Variants in VPS41 observed in about 807,000 individuals in gnomAD.
The protein encoded by VPS41 is VPS41 subunit of HOPS complex, also known as vacuolar protein sorting-associated protein 41 homolog.
A neutral mutation model predicts 130.9 loss-of-function variants in VPS41; 85 were observed. That is an observed-to-expected ratio of 0.65 (90% CI 0.55 to 0.78). The LOEUF is 0.78. Ranked by LOEUF, VPS41 falls within the 30% of genes least tolerant of loss-of-function variation. The pLI is 0.00. For synonymous variants in VPS41, 335 were observed against 332.9 expected (o/e 1.01, Z -0.07); for missense variants, 874 against 1,018.7 (o/e 0.86, Z 1.93).
intron 5 of VPS41, among the ~76,000 whole-genome samples, chr7:38,829,418 G>C (rs549683680): frequency 1.3e-5 from 2 of 152,244 alleles, no homozygotes; most frequent in African/African-American, 4.8e-5. Context: ...AATTAGATTA[G>C]GAAATCTGCT....
chr7:38,836,625 T>A (rs1785501191), intron 4 of VPS41, among the ~76,000 whole-genome samples: 1 of 152,158 alleles, frequency 6.6e-6, no homozygotes, highest in South Asian at 2.1e-4. Context: ...TAAATTTTTA[T>A]TTGGAGTGAT....
Position 38,852,914 on chromosome 7 carries a change from C to T in VPS41, c.246+9631G>A, listed in dbSNP as rs1258484237. Among the ~76,000 whole-genome samples the T allele has an allele frequency of 3.3e-5, 5 of 152,180 alleles. No homozygotes were observed. In the East Asian group the frequency reaches 9.6e-4, roughly 29 times the overall value. ...ATACTCTGAACTCCAAAGTCAGTCA[C>T]CACAAAGACACTCCCTTGAAAACAC... On this transcript the variant is annotated intron_variant, in intron 4 of 28. Transcript: ENST00000310301.
chr7:38,742,238 T>C, intron 24 of VPS41, 117 bp from the exon 25 acceptor site: 3 of 1,002,894 alleles, frequency 3.0e-6, no homozygotes, highest in Non-Finnish European at 4.2e-6. Context: ...GAAAAAATTA[T>C]TTCCTTCAAA....
At position 38,758,392 on chromosome 7, in the gene VPS41, ATCTT is replaced by A. The variant is rs769967580; in HGVS notation, c.1508_1511del (p.Lys503IlefsTer29). On this transcript the variant is annotated frameshift_variant, in exon 18 of 29. Transcript: ENST00000310301. LOFTEE classifies it high-confidence loss of function. ...TTTTAAGTAAAGTCTTGTTCTGACTATCTTTCTTCAAATGATCCCGAACTGCTTG... is the reference window on the plus strand; with the variant it reads ...TTTTAAGTAAAGTCTTGTTCTGACTATCTTCAAATGATCCCGAACTGCTTG... The A allele has an allele frequency of 7.4e-6, 12 of 1,613,442 alleles. No homozygotes were observed. Among genetic ancestry groups the A allele is most frequent in the Non-Finnish European group, 1.0e-5 (12 of 1,179,656 alleles).
chr7:38,777,410 T>C (rs1784279266), intron 10 of VPS41, among the ~76,000 whole-genome samples: 1 of 152,168 alleles, frequency 6.6e-6, no homozygotes, highest in South Asian at 2.1e-4. Context: ...ACATATTGCA[T>C]CACTTAAGAA....
At chr7:38,844,335 G>A (rs1366002799) in intron 4 of VPS41, among the ~76,000 whole-genome samples, 2 of 152,130 alleles carry the variant, frequency 1.3e-5, no homozygotes, top group Non-Finnish European at 2.9e-5. Flanking sequence ...TATACAGACT[G>A]CATCATTTAT....
chr7:38,884,135 C>G (rs1209593383), intron 2 of VPS41, among the ~76,000 whole-genome samples: 3 of 152,164 alleles, frequency 2.0e-5, no homozygotes, highest in African/African-American at 7.2e-5. Flanking sequence ...TCATAATGTT[C>G]TACCCACCAA....
At chr7:38,835,981 G>A (rs1023174311) in intron 4 of VPS41, among the ~76,000 whole-genome samples, 2 of 151,672 alleles carry the variant, frequency 1.3e-5, no homozygotes, top group African/African-American at 2.4e-5. Flanking sequence ...CTACCAACAC[G>A]CTTGATTTCT....
chr7:38,851,408 C>A (rs976375018), intron 4 of VPS41, among the ~76,000 whole-genome samples: 1 of 152,174 alleles, frequency 6.6e-6, no homozygotes, highest in African/African-American at 2.4e-5. Context: ...TATATAAATG[C>A]AAATGTTATA....
chr7:38,838,143 A>G (rs1785533944), intron 4 of VPS41, among the ~76,000 whole-genome samples: 1 of 152,166 alleles, frequency 6.6e-6, no homozygotes, highest in Non-Finnish European at 1.5e-5. Flanking sequence ...CCTGGCATCC[A>G]TAATCCTATA....
chr7:38,723,222 T>G lies in VPS41; in HGVS notation c.*3024A>C, dbSNP rs1274452694. The G allele has an allele frequency of 1.3e-5, 2 of 152,158 alleles. No individual in the cohort carries two copies. The highest frequency in any genetic ancestry group is 2.9e-5 in the Non-Finnish European group (2 of 68,034). The allele number at this position is 152,158 out of a possible 1,614,324, so 9.4% of individuals were successfully genotyped here. On this transcript the variant is annotated 3_prime_UTR_variant, in exon 29 of 29. Coordinates refer to ENST00000310301, the MANE Select transcript of VPS41 (RefSeq NM_014396.4). Reference sequence around the variant, plus strand: ...AGAAAATCCATGTATAAGTGGATCCTTGCAGTTCCAACCTGTGTTGTTCAA... The same window carrying G: ...AGAAAATCCATGTATAAGTGGATCCGTGCAGTTCCAACCTGTGTTGTTCAA...
intron 7 of VPS41, among the ~76,000 whole-genome samples, chr7:38,797,511 T>G (rs1784644706): frequency 6.6e-6 from 1 of 152,246 alleles, no homozygotes. Flanking sequence ...TTAATAAAGA[T>G]GTAATTCTAG....
At chr7:38,800,815 A>C (rs1371716540) in intron 7 of VPS41, among the ~76,000 whole-genome samples, 1 of 152,280 alleles carries the variant, frequency 6.6e-6, no homozygotes, top group African/African-American at 2.4e-5. Context: ...CAGCCTGGGC[A>C]ACAAGAGCAA....
intron 7 of VPS41, among the ~76,000 whole-genome samples, chr7:38,802,529 A>C (rs566642336): frequency 6.6e-6 from 1 of 152,318 alleles, no homozygotes; most frequent in African/African-American, 2.4e-5. Context: ...AGAAGGGAGA[A>C]TGGCCAAATG....
chr7:38,857,282 T>C (rs1786007942), intron 4 of VPS41, among the ~76,000 whole-genome samples: 1 of 152,224 alleles, frequency 6.6e-6, no homozygotes, highest in Admixed American at 6.5e-5. Flanking sequence ...TTTGTTTTAA[T>C]CTCCTTTTTT....
At chr7:38,905,922 T>C (rs1004100947) in intron 1 of VPS41, among the ~76,000 whole-genome samples, 1 of 151,396 alleles carries the variant, frequency 6.6e-6, no homozygotes, top group African/African-American at 2.4e-5. Flanking sequence ...GCCTCCCGAG[T>C]AGCTGGGATT....
rs940619387 is a variant in VPS41 at position 38,763,458 on chromosome 7, A to G, written c.1419T>C (p.Tyr473=). Reference sequence around the variant, plus strand: ...TGACCACATCAGAACACCATACCTCATAATCACTCTCCAAAAATTCATGTA... The same window carrying G: ...TGACCACATCAGAACACCATACCTCGTAATCACTCTCCAAAAATTCATGTA... ...MILHEFLESD[Y]EGFATLIREW... Residue 473 remains tyrosine, a synonymous_variant, in exon 17 of 29, where the codon TAT becomes TAC. Coordinates refer to ENST00000310301, the MANE Select transcript of VPS41 (RefSeq NM_014396.4). 19 of 1,597,570 alleles carry G rather than the reference A, an allele frequency of 1.2e-5. No homozygotes were observed. The African/African-American group carries it at 2.4e-4, about 20-fold the overall frequency.
At chr7:38,822,376 C>T (rs1399966094) in intron 5 of VPS41, among the ~76,000 whole-genome samples, 1 of 152,204 alleles carries the variant, frequency 6.6e-6, no homozygotes, top group Non-Finnish European at 1.5e-5. Flanking sequence ...CTCAAAGCTA[C>T]TGGCATGGAT....
intron 4 of VPS41, among the ~76,000 whole-genome samples, chr7:38,852,346 C>A (rs987791725): frequency 6.6e-6 from 1 of 152,168 alleles, no homozygotes; most frequent in Non-Finnish European, 1.5e-5. Flanking sequence ...AAACCTGACC[C>A]AGTCCCCAGC....
Sources: allele counts gnomAD v4.1 joint callset (sites outside exome capture counted in the v4.1 genomes callset), GRCh38; gene constraint gnomAD v4.1.1; transcripts MANE v1.5; gene names NCBI Gene and HGNC (gene_info 2026-07-23, HGNC 2026-07-21).